The following PIBF1 variants were observed in gnomAD, a reference collection of about 807,000 sequenced individuals.
PIBF1 encodes progesterone immunomodulatory binding factor 1, also known as progesterone-induced-blocking factor 1.
Under a neutral mutation model 112.5 loss-of-function variants are expected in PIBF1, and 90 were observed. The ratio of observed to expected loss-of-function variants is 0.80; its 90% CI spans 0.67 to 0.95. PIBF1 has a LOEUF of 0.95. Among genes scored for constraint, PIBF1 ranks in the 40% least tolerant of loss-of-function variants. The pLI is 0.00. For missense variants in PIBF1, 915 were observed against 852.3 expected, an observed-to-expected ratio of 1.07 and a Z score of -0.92; for synonymous variants, 301 against 288.6, an observed-to-expected ratio of 1.04 and a Z score of -0.44.
chr13:72,976,413 G>A (rs1230550904), intron 16 of PIBF1, among the ~76,000 whole-genome samples: 1 of 152,098 alleles, frequency 6.6e-6, no homozygotes, highest in East Asian at 1.9e-4. Context: ...CTCATTAATT[G>A]CCTACTACTA....
intron 5 of PIBF1, among the ~76,000 whole-genome samples, chr13:72,811,595 C>CAA (rs770232789): frequency 5.0e-5 from 2 of 40,084 alleles, no homozygotes; most frequent in Admixed American, 2.9e-4. Flanking sequence ...AACTCCGTCT[C>CAA]AAAAAAAAAA....
At chr13:72,881,707 C>G (rs959375973) in intron 10 of PIBF1, among the ~76,000 whole-genome samples, 1 of 145,626 alleles carries the variant, frequency 6.9e-6, no homozygotes, top group African/African-American at 2.6e-5. Context: ...CAGAGCAAGA[C>G]TCCATCTTGA....
chr13:72,962,721 A>G (rs948619115), intron 14 of PIBF1, among the ~76,000 whole-genome samples: 2 of 152,204 alleles, frequency 1.3e-5, no homozygotes, highest in Non-Finnish European at 2.9e-5. Context: ...ACATTCTACA[A>G]ATTAGATTCA....
chr13:72,857,748 G>A (rs1423143575), intron 10 of PIBF1, among the ~76,000 whole-genome samples: 2 of 152,116 alleles, frequency 1.3e-5, no homozygotes, highest in Non-Finnish European at 1.5e-5. Flanking sequence ...GTGGAGGCAG[G>A]AGAATCGCTT....
At chr13:72,979,096 G>A (rs1006060904) in intron 16 of PIBF1, among the ~76,000 whole-genome samples, 2 of 152,238 alleles carry the variant, frequency 1.3e-5, no homozygotes, top group East Asian at 1.9e-4. Flanking sequence ...TGGGGAAGTC[G>A]AAGCAGAAAG....
intron 10 of PIBF1, among the ~76,000 whole-genome samples, chr13:72,861,544 T>C (rs1467377453): frequency 1.3e-5 from 2 of 152,128 alleles, no homozygotes; most frequent in African/African-American, 4.8e-5. Flanking sequence ...CTGTCCTAAA[T>C]TTCCTTTCAG....
chr13:72,844,056 T>C (rs147606541), intron 9 of PIBF1, among the ~76,000 whole-genome samples: 2 of 152,332 alleles, frequency 1.3e-5, no homozygotes, highest in African/African-American at 4.8e-5. Context: ...TGAGTACCTA[T>C]TATGCGTCAA....
At chr13:73,005,104 G>C (rs779880589) in intron 17 of PIBF1, among the ~76,000 whole-genome samples, 1 of 152,128 alleles carries the variant, frequency 6.6e-6, no homozygotes, top group African/African-American at 2.4e-5. Context: ...GAACCTGGGA[G>C]GGGGAGGTTG....
chr13:72,991,461 C>T (rs910080270), intron 16 of PIBF1, among the ~76,000 whole-genome samples: 1 of 151,848 alleles, frequency 6.6e-6, no homozygotes, highest in South Asian at 2.1e-4. Flanking sequence ...ATGAATGGTT[C>T]GTTCATTCAT....
In PIBF1 at chr13:72,844,789, A is replaced by ACACACACACACACACACACACACACACG. The variant is rs1594035467; in HGVS notation, c.1224-9257_1224-9256insACACACACACACACACGCACACACACAC. Reference sequence around the variant, plus strand: ...CACACACACACACACACACACACACACACACACACACGGATGAAGTCTTAC... The same window carrying ACACACACACACACACACACACACACACG: ...CACACACACACACACACACACACACACACACACACACACACACACACACACACGCACACACACACGGATGAAGTCTTAC... On this transcript the variant is annotated intron_variant, in intron 9 of 17. Transcript: ENST00000326291. Among the ~76,000 whole-genome samples the ACACACACACACACACACACACACACACG allele has an allele frequency of 9.2e-5, 11 of 119,562 alleles. 2 individuals carry two copies. Among genetic ancestry groups the ACACACACACACACACACACACACACACG allele is most frequent in the African/African-American group, 3.8e-4 (10 of 26,258 alleles). The allele number at this position is 119,562 out of a possible 152,430, so 78.4% of individuals were successfully genotyped here. A position where few individuals can be genotyped will look rare whatever the true frequency, so the allele number is the denominator to read the frequency against.
rs116834500 is a variant in PIBF1 at position 72,804,964 on chromosome 13, A to G, written c.672+6938A>G. Reference sequence around the variant, plus strand: ...TCCATGATATATAGCTGCAACCACCATAAAGTTACTAAATTTTTTCTTTTT... The same window carrying G: ...TCCATGATATATAGCTGCAACCACCGTAAAGTTACTAAATTTTTTCTTTTT... On this transcript the variant is annotated intron_variant, in intron 5 of 17. Coordinates refer to ENST00000326291, the MANE Select transcript of PIBF1 (RefSeq NM_006346.4). Among the ~76,000 whole-genome samples, 1,214 of 152,174 alleles carry G rather than the reference A, an allele frequency of 8.0e-3. 14 individuals carry two copies. The highest frequency in any genetic ancestry group is 0.028 in the African/African-American group (1,144 of 41,522).
At chr13:72,803,516 TG>T (rs574194965) in intron 5 of PIBF1, among the ~76,000 whole-genome samples, 2 of 152,312 alleles carry the variant, frequency 1.3e-5, no homozygotes, top group Admixed American at 1.3e-4. Context: ...TTATGATATT[TG>T]GGGAAACTAC....
chr13:72,943,186 T>C (rs1055640249), intron 14 of PIBF1, among the ~76,000 whole-genome samples: 1 of 152,050 alleles, frequency 6.6e-6, no homozygotes, highest in African/African-American at 2.4e-5. Context: ...AGTAGAATAA[T>C]AGTCACCAGA....
intron 10 of PIBF1, among the ~76,000 whole-genome samples, chr13:72,890,472 G>A (rs918809114): frequency 6.6e-6 from 1 of 152,066 alleles, no homozygotes; most frequent in South Asian, 2.1e-4. Flanking sequence ...TTTTAAAGTA[G>A]TATTTGGTAT....
chr13:72,819,782 A>T (rs150691044), intron 5 of PIBF1, among the ~76,000 whole-genome samples: 9 of 152,030 alleles, frequency 5.9e-5, no homozygotes, highest in Admixed American at 3.9e-4. Flanking sequence ...AATACTTTAA[A>T]GGCTTTTTGT....
chr13:73,013,421 C>T (rs1020540155), intron 17 of PIBF1, among the ~76,000 whole-genome samples: 6 of 149,796 alleles, frequency 4.0e-5, no homozygotes, highest in African/African-American at 1.5e-4. Flanking sequence ...GACACCAAAC[C>T]ACAGACCCAG....
At chr13:72,948,819 C>T (rs1323370245) in intron 14 of PIBF1, among the ~76,000 whole-genome samples, 1 of 152,158 alleles carries the variant, frequency 6.6e-6, no homozygotes, top group Non-Finnish European at 1.5e-5. Flanking sequence ...GGGGGGAAAG[C>T]CCCTTATAAA....
chr13:73,010,449 A>C (rs1384345881), intron 17 of PIBF1, among the ~76,000 whole-genome samples: 1 of 151,832 alleles, frequency 6.6e-6, no homozygotes, highest in East Asian at 1.9e-4. Flanking sequence ...TTAAAAATAC[A>C]AAAATTAGCC....
chr13:72,804,059 T>C (rs1405942223), intron 5 of PIBF1, among the ~76,000 whole-genome samples: 1 of 152,182 alleles, frequency 6.6e-6, no homozygotes, highest in East Asian at 1.9e-4. Flanking sequence ...ATACTTATTG[T>C]TGGCCTGAAG....
Sources: gnomAD v4.1 joint callset for allele counts (sites outside exome capture counted in the v4.1 genomes callset) on GRCh38, gnomAD v4.1.1 for gene constraint, MANE v1.5 for transcripts, NCBI Gene and HGNC (gene_info 2026-07-23, HGNC 2026-07-21) for gene names.